The following AMBRA1 variants were observed in gnomAD, a reference collection of about 807,000 sequenced individuals.
The protein encoded by AMBRA1 is activating molecule in BECN1-regulated autophagy protein 1.
A neutral mutation model predicts 125.4 loss-of-function variants in AMBRA1; 47 were observed. The ratio of observed to expected loss-of-function variants is 0.37; its 90% CI spans 0.30 to 0.48. The LOEUF is 0.48. Ranked by LOEUF, AMBRA1 falls within the 20% of genes least tolerant of loss-of-function variation. The pLI, the probability that AMBRA1 is intolerant of heterozygous loss-of-function variation, is 0.99. For synonymous variants in AMBRA1, 626 were observed against 655.5 expected (o/e 0.95, Z 0.69); for missense variants, 1,331 against 1,693.4 (o/e 0.79, Z 3.76).
intron 17 of AMBRA1, among the ~76,000 whole-genome samples, chr11:46,398,670 G>A (rs1024678334): frequency 6.6e-6 from 1 of 152,084 alleles, no homozygotes; most frequent in Non-Finnish European, 1.5e-5. Flanking sequence ...TAGAGACAGG[G>A]TTTCACCATG....
At position 46,512,731 on chromosome 11, in the gene AMBRA1, C is replaced by T; in HGVS notation, c.2155G>A (p.Ala719Thr). ...CATTTCTCACTTTGGCCTTACCTCG[C>T]TGGGTCTGGGTAAATTGGGTGCTCT... ...SREHPIYPDP[A>T]RLSPAAYYAQ... Residue 719 changes from alanine to threonine, a missense_variant, in exon 8 of 18, where the codon GCG becomes ACG. Physicochemically the swap from Ala to Thr is moderately conservative, Grantham distance 58. This residue lies in a region of AMBRA1 where 689 missense variants were observed against 776.5 expected (regional missense o/e 0.89). Transcript: ENST00000683756. 2.5e-6 allele frequency: 4 copies of T among 1,613,024 alleles called. No homozygotes were observed. Among genetic ancestry groups the T allele is most frequent in the African/African-American group, 1.3e-5 (1 of 74,982 alleles).
In AMBRA1 at chr11:46,451,962, G is replaced by A. The variant is rs1948619619; in HGVS notation, c.2522-8364C>T. Reference sequence around the variant, plus strand: ...GCTGGAGGGATGTGAGAGAGGGAAAGGGGAAGTGACTGCTGATGTGTATGG... The same window carrying A: ...GCTGGAGGGATGTGAGAGAGGGAAAAGGGAAGTGACTGCTGATGTGTATGG... On this transcript the variant is annotated intron_variant, in intron 11 of 17. Transcript: ENST00000683756. 3.3e-5 allele frequency: 5 copies of A among 151,942 alleles called. No homozygotes were observed. In the South Asian group the frequency reaches 1.0e-3, roughly 32 times the overall value. The allele number at this position is 151,942 out of a possible 1,614,324, so 9.4% of individuals were successfully genotyped here. A position where few individuals can be genotyped will look rare whatever the true frequency, so the allele number is the denominator to read the frequency against.
At chr11:46,399,674 G>A (rs1475416368) in intron 17 of AMBRA1, among the ~76,000 whole-genome samples, 4 of 152,202 alleles carry the variant, frequency 2.6e-5, no homozygotes, top group Non-Finnish European at 5.9e-5. Context: ...CAGAAGCTGA[G>A]AGTTTTAACT....
At chr11:46,523,996 G>A (rs1296222528) in intron 7 of AMBRA1, among the ~76,000 whole-genome samples, 3 of 152,222 alleles carry the variant, frequency 2.0e-5, no homozygotes, top group Middle Eastern at 3.4e-3. Context: ...AGCGTCCCAC[G>A]TAGCTGGGAT....
intron 7 of AMBRA1, among the ~76,000 whole-genome samples, chr11:46,534,408 T>C (rs561643226): frequency 6.6e-6 from 1 of 152,046 alleles, no homozygotes; most frequent in African/African-American, 2.4e-5. Context: ...GGCAAAAGAA[T>C]CACTTGAACC....
chr11:46,488,193 C>T lies in AMBRA1; in HGVS notation c.2521+5415G>A, dbSNP rs559100541. ...AAATTGGGCCAGATGCAGTGGCTCA[C>T]GCCTGTAACTCCAGCACTTTGGGAA... On this transcript the variant is annotated intron_variant, in intron 11 of 17. Coordinates refer to ENST00000683756, the MANE Select transcript of AMBRA1 (RefSeq NM_001387011.1). 1.4e-3 allele frequency among the ~76,000 whole-genome samples: 211 copies of T among 152,294 alleles called. 3 individuals carry two copies. The highest frequency in any genetic ancestry group is 3.6e-3 in the African/African-American group (149 of 41,554).
chr11:46,413,451 ACCCTCTCTGGCTACTGAAACTCTT>A (rs767650550), intron 15 of AMBRA1, among the ~76,000 whole-genome samples: 21 of 152,160 alleles, frequency 1.4e-4, no homozygotes, highest in African/African-American at 2.2e-4. Context: ...AGTTGAAGAC[ACCCTCTCTGGCTACTGAAACTCTT>A]AGCTTTCTTT....
rs148837512 is a variant in AMBRA1 at position 46,536,602 on chromosome 11, G to A, written c.2072+5343C>T. 2.6e-5 allele frequency among the ~76,000 whole-genome samples: 4 copies of A among 152,208 alleles called. No homozygotes were observed. In the East Asian group the frequency reaches 7.7e-4, roughly 29 times the overall value. On this transcript the variant is annotated intron_variant, in intron 7 of 17. Transcript: ENST00000683756. ...TACTTTCCTCATTTTTAGGTTGCCG[G>A]CCCCCTTTTGTGGACCTACAATCAG...
At chr11:46,427,122 G>C (rs552940526) in intron 14 of AMBRA1, among the ~76,000 whole-genome samples, 22 of 152,280 alleles carry the variant, frequency 1.4e-4, no homozygotes, top group Middle Eastern at 6.8e-3. Context: ...GAGTCATAAT[G>C]AAGTTTGTAG....
intron 1 of AMBRA1, among the ~76,000 whole-genome samples, chr11:46,559,282 G>C (rs1468816639): frequency 1.3e-5 from 2 of 151,458 alleles, no homozygotes; most frequent in Non-Finnish European, 2.9e-5. Flanking sequence ...CTGGATGACA[G>C]AGTGAGACCC....
At chr11:46,437,305 T>C (rs1044452827) in intron 12 of AMBRA1, among the ~76,000 whole-genome samples, 99 of 152,326 alleles carry the variant, frequency 6.5e-4, no homozygotes, top group African/African-American at 2.4e-3. Context: ...TCCAAGTCAA[T>C]AGCTATCTCC....
Position 46,543,112 on chromosome 11 carries a change from C to A in AMBRA1, c.905G>T (p.Cys302Phe), listed in dbSNP as rs1163545288. Residue 302 changes from cysteine (C) to phenylalanine (F), a missense_variant, in exon 7 of 18, where the codon TGC (cysteine) becomes TTC (phenylalanine). Physicochemically the swap from Cys to Phe is radical, Grantham distance 205 (BLOSUM62 -2). This residue lies in a region of AMBRA1 where 689 missense variants were observed against 776.5 expected (regional missense o/e 0.89). Transcript: ENST00000683756. The stretch of plus-strand genomic sequence containing the variant: ...AAGGCACAGGATCCCAAGGTGCTGG[C>A]AGCACTCAGCTGTGGGGTAACTGAC... ...QRVSYPTAEC[C>F]QHLGILCLCS... 1.9e-6 allele frequency: 3 copies of A among 1,577,178 alleles called. No homozygotes were observed. The South Asian group carries it at 3.4e-5, about 18-fold the overall frequency.
chr11:46,570,631 C>T (rs546548615), intron 1 of AMBRA1, among the ~76,000 whole-genome samples: 2 of 152,258 alleles, frequency 1.3e-5, no homozygotes, highest in East Asian at 3.9e-4. Context: ...ACTTGCCCCC[C>T]CATTGAACAG....
intron 12 of AMBRA1, among the ~76,000 whole-genome samples, chr11:46,435,886 C>T (rs1008489599): frequency 3.9e-5 from 6 of 152,322 alleles, no homozygotes; most frequent in East Asian, 1.9e-4. Flanking sequence ...GGCCTTGTTT[C>T]GGTTTTCATT....
intron 1 of AMBRA1, among the ~76,000 whole-genome samples, chr11:46,571,010 G>C (rs1170670790): frequency 6.6e-6 from 1 of 152,188 alleles, no homozygotes; most frequent in Non-Finnish European, 1.5e-5. Context: ...GTACTGAAAT[G>C]TGGCAAGTGT....
chr11:46,450,208 A>C (rs1948510976), intron 11 of AMBRA1, among the ~76,000 whole-genome samples: 1 of 152,238 alleles, frequency 6.6e-6, no homozygotes. Context: ...TGGCACATCC[A>C]TACAATGGAA....
At chr11:46,589,100 C>CAGGTAGTAAACCT (rs1348095844) in intron 1 of AMBRA1, among the ~76,000 whole-genome samples, 1 of 152,232 alleles carries the variant, frequency 6.6e-6, no homozygotes, top group African/African-American at 2.4e-5. Context: ...CAAGACTTCT[C>CAGGTAGTAAACCT]AGGTAGTAAA....
At position 46,503,060 on chromosome 11, in the gene AMBRA1, C is replaced by CAAAAA. The variant is rs35217088; in HGVS notation, c.2339+5126_2339+5130dup. ...TGGGTGACAGAGCGAGACTCTGTCT[C>CAAAAA]AAAAAAAAAAAAAAAAAAAAAAAAA... On this transcript the variant is annotated intron_variant, in intron 9 of 17. Transcript: ENST00000683756. Among the ~76,000 whole-genome samples, 91 of 31,008 alleles carry CAAAAA rather than the reference C, an allele frequency of 2.9e-3. 3 individuals carry two copies. Among genetic ancestry groups the CAAAAA allele is most frequent in the African/African-American group, 4.7e-3 (61 of 12,888 alleles). The allele number at this position is 31,008 out of a possible 152,430, so 20.3% of individuals were successfully genotyped here.
chr11:46,416,244 T>C (rs775160426), intron 15 of AMBRA1, among the ~76,000 whole-genome samples: 25 of 152,184 alleles, frequency 1.6e-4, no homozygotes, highest in Non-Finnish European at 3.1e-4. Flanking sequence ...ATCAGCATCA[T>C]GTGCTTTGGG....
Sources: allele counts gnomAD v4.1 joint callset (sites outside exome capture counted in the v4.1 genomes callset), GRCh38; gene constraint gnomAD v4.1.1; regional missense constraint gnomAD v4.1.1; transcripts MANE v1.5; gene names NCBI Gene and HGNC (gene_info 2026-07-23, HGNC 2026-07-21).